GRID2: variants seen among roughly 807,000 people sequenced by gnomAD.
The protein encoded by GRID2 is glutamate receptor ionotropic, delta-2.
In GRID2, 33 loss-of-function variants were observed where a neutral mutation model predicts 114.8. The ratio of observed to expected loss-of-function variants is 0.29; its 90% CI spans 0.22 to 0.38. The LOEUF (loss-of-function observed/expected upper bound fraction) is 0.38, where lower values mean the gene tolerates loss of function less well. GRID2 is among the 10% of genes least tolerant of loss of function. The pLI is 1.00. For synonymous variants in GRID2, 505 were observed against 449.9 expected (o/e 1.12, Z -1.55); for missense variants, 1,184 against 1,257.7 (o/e 0.94, Z 0.89).
chr4:92,421,696 C>G (rs770338988), intron 1 of GRID2, among the ~76,000 whole-genome samples: 3 of 152,128 alleles, frequency 2.0e-5, no homozygotes, highest in African/African-American at 4.8e-5. Flanking sequence ...GTTTCAGTCA[C>G]TCTCTGTGTC....
At chr4:92,446,144 A>C (rs943381231) in intron 1 of GRID2, among the ~76,000 whole-genome samples, 1 of 152,034 alleles carries the variant, frequency 6.6e-6, no homozygotes, top group Non-Finnish European at 1.5e-5. Flanking sequence ...ACGGGGTTTC[A>C]CTATGTTGGC....
intron 2 of GRID2, among the ~76,000 whole-genome samples, chr4:92,629,924 A>C (rs2149245205): frequency 6.8e-6 from 1 of 147,780 alleles, no homozygotes. Context: ...TAATTATATT[A>C]TAAATTATAT....
intron 2 of GRID2, among the ~76,000 whole-genome samples, chr4:92,759,773 TTTC>T (rs1349446911): frequency 2.2e-4 from 34 of 151,396 alleles, no homozygotes; most frequent in African/African-American, 7.0e-4. Context: ...CGGGCTTTTT[TTTC>T]TTCTTCTTCT....
chr4:93,200,086 C>T (rs1741912342), intron 4 of GRID2, among the ~76,000 whole-genome samples: 1 of 152,182 alleles, frequency 6.6e-6, no homozygotes, highest in African/African-American at 2.4e-5. Context: ...ACTCAGGCAA[C>T]TGGATATAGT....
chr4:93,181,168 C>T (rs1739858993), intron 4 of GRID2, among the ~76,000 whole-genome samples: 1 of 152,060 alleles, frequency 6.6e-6, no homozygotes, highest in African/African-American at 2.4e-5. Context: ...GTTGTATTAG[C>T]GGGCATGAAA....
At chr4:93,217,590 T>A (rs1318361878) in intron 6 of GRID2, among the ~76,000 whole-genome samples, 2 of 151,758 alleles carry the variant, frequency 1.3e-5, no homozygotes, top group Admixed American at 6.6e-5. Flanking sequence ...GAGATCTCAA[T>A]ATGTCAATCT....
intron 13 of GRID2, among the ~76,000 whole-genome samples, chr4:93,557,865 G>T (rs973621393): frequency 2.0e-5 from 3 of 152,096 alleles, no homozygotes; most frequent in Non-Finnish European, 2.9e-5. Context: ...AAATGCAAAA[G>T]AATGGAAATC....
intron 2 of GRID2, among the ~76,000 whole-genome samples, chr4:92,755,321 G>A (rs1331423854): frequency 6.6e-6 from 1 of 152,160 alleles, no homozygotes; most frequent in African/African-American, 2.4e-5. Flanking sequence ...GATACAGTGA[G>A]AAATCAGACA....
intron 9 of GRID2, among the ~76,000 whole-genome samples, chr4:93,403,591 T>C (rs562719175): frequency 1.3e-5 from 2 of 152,244 alleles, no homozygotes; most frequent in East Asian, 1.9e-4. Flanking sequence ...AATGAAGATA[T>C]ATTTATATAA....
At chr4:93,054,638 G>C (rs1168333349) in intron 2 of GRID2, among the ~76,000 whole-genome samples, 1 of 151,882 alleles carries the variant, frequency 6.6e-6, no homozygotes, top group Non-Finnish European at 1.5e-5. Context: ...TGCTATACCA[G>C]TTTTATAATG....
intron 1 of GRID2, among the ~76,000 whole-genome samples, chr4:92,442,999 C>T (rs558449563): frequency 0.014 from 2,202 of 151,954 alleles, 44 homozygotes; most frequent in African/African-American, 0.046. Flanking sequence ...GGACCTAGCT[C>T]GGCCTGGCGA....
At chr4:93,251,363 T>C (rs1748907294) in intron 8 of GRID2, among the ~76,000 whole-genome samples, 1 of 152,148 alleles carries the variant, frequency 6.6e-6, no homozygotes, top group South Asian at 2.1e-4. Flanking sequence ...TGAAGCTCTA[T>C]TTTTTTAAAT....
chr4:92,674,480 T>C (rs1733234147), intron 2 of GRID2, among the ~76,000 whole-genome samples: 1 of 152,182 alleles, frequency 6.6e-6, no homozygotes, highest in African/African-American at 2.4e-5. Flanking sequence ...GTTTTTATTT[T>C]ATCTGATGAA....
At chr4:92,857,271 A>G (rs1744240623) in intron 2 of GRID2, among the ~76,000 whole-genome samples, 1 of 152,218 alleles carries the variant, frequency 6.6e-6, no homozygotes, top group Admixed American at 6.5e-5. Context: ...ATCAAAGGCT[A>G]GAAATAATTA....
intron 13 of GRID2, among the ~76,000 whole-genome samples, chr4:93,547,122 A>G (rs1379221856): frequency 6.6e-6 from 1 of 152,160 alleles, no homozygotes. Context: ...GAGAAAACTA[A>G]TACTTTTGCT....
chr4:93,060,353 T>C (rs1460086392), intron 2 of GRID2, among the ~76,000 whole-genome samples: 1 of 152,146 alleles, frequency 6.6e-6, no homozygotes, highest in Non-Finnish European at 1.5e-5. Flanking sequence ...CATGTGCAGA[T>C]AGTAGGTTTC....
chr4:93,613,843 G>C (rs945711683), intron 13 of GRID2, among the ~76,000 whole-genome samples: 1 of 151,890 alleles, frequency 6.6e-6, no homozygotes, highest in African/African-American at 2.4e-5. Context: ...GCTCCACCCA[G>C]TTCGAGCTTC....
intron 14 of GRID2, among the ~76,000 whole-genome samples, chr4:93,679,300 GAGACTT>G (rs1455728912): frequency 2.6e-5 from 4 of 151,080 alleles, no homozygotes; most frequent in African/African-American, 9.8e-5. Context: ...GACCTACAAA[GAGACTT>G]AGACTCCCAC....
intron 8 of GRID2, among the ~76,000 whole-genome samples, chr4:93,311,393 G>T (rs113291641): frequency 0.023 from 3,457 of 152,196 alleles, 136 homozygotes; most frequent in African/African-American, 0.078. Context: ...TTAGGTCAGG[G>T]TATGGATTAA....
Sources: gnomAD v4.1 joint callset for allele counts (sites outside exome capture counted in the v4.1 genomes callset) on GRCh38, gnomAD v4.1.1 for gene constraint, MANE v1.5 for transcripts, NCBI Gene and HGNC (gene_info 2026-07-23, HGNC 2026-07-21) for gene names.